LYPD6B: variants seen among roughly 807,000 people sequenced by gnomAD.
LYPD6B encodes ly6/PLAUR domain-containing protein 6B.
A neutral mutation model predicts 22.8 loss-of-function variants in LYPD6B; 17 were observed. That is an observed-to-expected ratio of 0.75 (90% CI 0.51 to 1.12). The LOEUF (loss-of-function observed/expected upper bound fraction) is 1.12. LYPD6B is among the 50% of genes most tolerant of loss of function. The probability of loss-of-function intolerance (pLI) is 0.00; values close to 1 mark genes in which losing one functional copy is unlikely to be tolerated. For missense variants in LYPD6B, 221 were observed against 258.3 expected (o/e 0.86, Z 0.99); for synonymous variants, 106 against 91.6 (o/e 1.16, Z -0.90).
At chr2:149,093,955 T>G (rs1020679395) in intron 1 of LYPD6B, among the ~76,000 whole-genome samples, 2 of 152,220 alleles carry the variant, frequency 1.3e-5, no homozygotes, top group African/African-American at 4.8e-5. Flanking sequence ...ATAATTATAA[T>G]GGAACAAGAG....
At chr2:149,175,061 C>CTCTG (rs1454802925) in intron 3 of LYPD6B, among the ~76,000 whole-genome samples, 111 of 113,060 alleles carry the variant, frequency 9.8e-4, no homozygotes, top group South Asian at 5.7e-3. Context: ...CTCTCTCTCT[C>CTCTG]TGTGTGTGTG....
At chr2:149,154,038 G>A in intron 2 of LYPD6B, 1 of 969,352 alleles carries the variant, frequency 1.0e-6, no homozygotes, top group Non-Finnish European at 1.2e-6. Context: ...ATAATGAAGA[G>A]AATGGGGAAG....
chr2:149,164,065 G>A (rs1459988078), intron 3 of LYPD6B, among the ~76,000 whole-genome samples: 1 of 152,040 alleles, frequency 6.6e-6, no homozygotes, highest in Non-Finnish European at 1.5e-5. Flanking sequence ...TCGGAGATAC[G>A]GTAGTTTGTG....
chr2:149,184,224 A>G (rs1691947248), intron 3 of LYPD6B, among the ~76,000 whole-genome samples: 1 of 152,106 alleles, frequency 6.6e-6, no homozygotes, highest in African/African-American at 2.4e-5. Context: ...TGCTTCCTCC[A>G]CTAAGAGAAA....
At chr2:149,210,102 T>C (rs1018353442) in intron 5 of LYPD6B, among the ~76,000 whole-genome samples, 2 of 152,190 alleles carry the variant, frequency 1.3e-5, no homozygotes, top group Admixed American at 1.3e-4. Flanking sequence ...CTTATCTTCA[T>C]GGCTCATGCT....
At chr2:149,173,254 C>G (rs1292144871) in intron 3 of LYPD6B, among the ~76,000 whole-genome samples, 1 of 143,992 alleles carries the variant, frequency 6.9e-6, no homozygotes, top group Non-Finnish European at 1.5e-5. Context: ...CTAGCAAGGT[C>G]TTGGTTATTC....
chr2:149,117,112 A>G lies in LYPD6B; in HGVS notation c.-66-13771A>G, dbSNP rs184074045. 8.9e-4 allele frequency among the ~76,000 whole-genome samples: 136 copies of G among 152,050 alleles called. 1 individual carries two copies. Among genetic ancestry groups the G allele is most frequent in the African/African-American group, 3.1e-3 (129 of 41,492 alleles). The stretch of plus-strand genomic sequence containing the variant: ...TATTGATTTATACATTCTCTTTTTT[A>G]TGGAGAGTAGTAACCCTCAGTCTAT... On this transcript the variant is annotated intron_variant, in intron 1 of 6. Transcript: ENST00000409642.
At chr2:149,187,464 G>A (rs769212168) in intron 3 of LYPD6B, 1 of 1,525,188 alleles carries the variant, frequency 6.6e-7, no homozygotes, top group Non-Finnish European at 8.8e-7. Context: ...GAGAATCACA[G>A]TAAACCAAAC....
intron 3 of LYPD6B, among the ~76,000 whole-genome samples, chr2:149,201,127 G>A (rs768725755): frequency 1.3e-5 from 2 of 152,148 alleles, no homozygotes; most frequent in Non-Finnish European, 2.9e-5. Flanking sequence ...AATTATTATA[G>A]CCATATTCTG....
intron 2 of LYPD6B, among the ~76,000 whole-genome samples, chr2:149,145,306 T>A (rs1448552115): frequency 6.6e-6 from 1 of 152,182 alleles, no homozygotes; most frequent in East Asian, 1.9e-4. Context: ...GCTTGGACGA[T>A]ACATGCAGTT....
chr2:149,046,457 T>C (rs1309809513), intron 1 of LYPD6B, among the ~76,000 whole-genome samples: 1 of 152,042 alleles, frequency 6.6e-6, no homozygotes, highest in Non-Finnish European at 1.5e-5. Flanking sequence ...TTGTTTTCTA[T>C]TTGTTCTATC....
chr2:149,070,835 A>G (rs1189671688), intron 1 of LYPD6B, among the ~76,000 whole-genome samples: 1 of 152,206 alleles, frequency 6.6e-6, no homozygotes, highest in African/African-American at 2.4e-5. Context: ...CTCTCTCTCT[A>G]CATGATTCTA....
chr2:149,099,479 G>GGTCCCCTC (rs1686087840), intron 1 of LYPD6B, among the ~76,000 whole-genome samples: 1 of 93,650 alleles, frequency 1.1e-5, no homozygotes, highest in African/African-American at 3.7e-5. Flanking sequence ...GTCCCCTCAT[G>GGTCCCCTC]GTAGGGTCAC....
intron 3 of LYPD6B, among the ~76,000 whole-genome samples, chr2:149,181,118 C>T (rs1691686037): frequency 6.6e-6 from 1 of 152,044 alleles, no homozygotes; most frequent in South Asian, 2.1e-4. Context: ...GAGTACCTAC[C>T]CCACACCCCT....
At chr2:149,075,265 G>A (rs370399155) in intron 1 of LYPD6B, among the ~76,000 whole-genome samples, 11 of 152,306 alleles carry the variant, frequency 7.2e-5, no homozygotes, top group African/African-American at 2.4e-4. Flanking sequence ...ATGGGGCAGT[G>A]CCAGCGCTGA....
chr2:149,214,028 T>A (rs1324490984), intron 6 of LYPD6B, among the ~76,000 whole-genome samples: 1 of 152,180 alleles, frequency 6.6e-6, no homozygotes, highest in Non-Finnish European at 1.5e-5. Context: ...AAAACACCAG[T>A]TAGGGACAAG....
intron 1 of LYPD6B, among the ~76,000 whole-genome samples, chr2:149,116,608 G>A (rs569014626): frequency 2.2e-4 from 33 of 152,032 alleles, no homozygotes; most frequent in African/African-American, 7.7e-4. Flanking sequence ...AGAATCTCTC[G>A]TGTCCTGGAA....
At chr2:149,055,078 G>A (rs1683729119) in intron 1 of LYPD6B, among the ~76,000 whole-genome samples, 1 of 152,150 alleles carries the variant, frequency 6.6e-6, no homozygotes, top group South Asian at 2.1e-4. Flanking sequence ...TAGAGTATGA[G>A]TTAGGAGTCC....
At chr2:149,067,472 G>T (rs1048543667) in intron 1 of LYPD6B, among the ~76,000 whole-genome samples, 2 of 151,808 alleles carry the variant, frequency 1.3e-5, no homozygotes, top group Admixed American at 6.6e-5. Flanking sequence ...AAAGTAAAAA[G>T]CAATTTACCC....
Sources: gnomAD v4.1 joint callset for allele counts (sites outside exome capture counted in the v4.1 genomes callset) on GRCh38, gnomAD v4.1.1 for gene constraint, MANE v1.5 for transcripts, NCBI Gene and HGNC (gene_info 2026-07-23, HGNC 2026-07-21) for gene names.